PTPRC: variants seen among roughly 807,000 people sequenced by gnomAD.
The protein encoded by PTPRC is receptor-type tyrosine-protein phosphatase C.
PTPRC carries 44 observed loss-of-function variants against 155.9 expected under a neutral mutation model. The ratio of observed to expected loss-of-function variants is 0.28; its 90% CI spans 0.22 to 0.36. The LOEUF (loss-of-function observed/expected upper bound fraction) is 0.36, where lower values mean the gene tolerates loss of function less well. Among genes scored for constraint, PTPRC ranks in the 10% least tolerant of loss-of-function variants. The pLI is 1.00. For synonymous variants in PTPRC, 525 were observed against 533.1 expected (o/e 0.98, Z 0.21); for missense variants, 1,401 against 1,564.6 (o/e 0.90, Z 1.76).
At chr1:198,648,029 A>G (rs1055776234) in intron 2 of PTPRC, among the ~76,000 whole-genome samples, 2 of 151,888 alleles carry the variant, frequency 1.3e-5, no homozygotes. Flanking sequence ...AGATCTATAT[A>G]TAACATATTA....
chr1:198,732,001 C>G (rs1277634802), intron 18 of PTPRC, among the ~76,000 whole-genome samples: 1 of 151,918 alleles, frequency 6.6e-6, no homozygotes, highest in African/African-American at 2.4e-5. Flanking sequence ...TAGTTGTACT[C>G]TAGATACTCA....
At chr1:198,720,623 C>T (rs1360815381) in intron 14 of PTPRC, among the ~76,000 whole-genome samples, 2 of 152,148 alleles carry the variant, frequency 1.3e-5, no homozygotes, top group Non-Finnish European at 2.9e-5. Flanking sequence ...GCTACTGTGC[C>T]AGGCCTATAT....
chr1:198,680,597 A>T (rs1257761520), intron 2 of PTPRC, among the ~76,000 whole-genome samples: 1 of 152,152 alleles, frequency 6.6e-6, no homozygotes, highest in African/African-American at 2.4e-5. Flanking sequence ...GGAAAGAGAC[A>T]CATCAGTGCA....
chr1:198,756,103 T>C lies in PTPRC; in HGVS notation c.3843T>C (p.Ser1281=). 1 of 1,613,466 alleles carries C rather than the reference T, an allele frequency of 6.2e-7. No individual in the cohort carries two copies. The highest frequency in any genetic ancestry group is 8.5e-7 in the Non-Finnish European group (1 of 1,179,680). ...AAGCAAAGGAACAGGCTGAAGGTTC[T>C]GAACCCACGAGTGGCACTGAGGGGC... ...LPEAKEQAEG[S]EPTSGTEGPE... The change falls in exon 33 of 33, where the codon TCT becomes TCC. Residue 1281 remains serine, a synonymous_variant. Transcript: ENST00000442510.
intron 15 of PTPRC, among the ~76,000 whole-genome samples, chr1:198,725,180 C>T (rs985209866): frequency 1.3e-5 from 2 of 152,120 alleles, no homozygotes; most frequent in African/African-American, 4.8e-5. Flanking sequence ...GAATTCTTTG[C>T]TCCATTTTCT....
chr1:198,648,470 T>C (rs1314749088), intron 2 of PTPRC, among the ~76,000 whole-genome samples: 1 of 151,766 alleles, frequency 6.6e-6, no homozygotes, highest in Non-Finnish European at 1.5e-5. Context: ...TCAATCTTCT[T>C]AGTGGTCAGT....
chr1:198,699,203 C>T (rs927032964), intron 4 of PTPRC, among the ~76,000 whole-genome samples: 2 of 152,128 alleles, frequency 1.3e-5, no homozygotes, highest in Non-Finnish European at 2.9e-5. Flanking sequence ...GATACTAGTA[C>T]ATTGGAAGAT....
At chr1:198,755,626 G>A (rs1298580815) in intron 32 of PTPRC, among the ~76,000 whole-genome samples, 2 of 152,166 alleles carry the variant, frequency 1.3e-5, no homozygotes, top group East Asian at 1.9e-4. Context: ...AGTACAAAAC[G>A]TGGCATCATG....
chr1:198,720,053 T>C (rs544744417), intron 14 of PTPRC, among the ~76,000 whole-genome samples: 188 of 152,270 alleles, frequency 1.2e-3, no homozygotes, highest in Admixed American at 4.8e-3. Context: ...CTGGTGTGAT[T>C]AGTTTAAATG....
chr1:198,657,020 T>G (rs946846825), intron 2 of PTPRC, among the ~76,000 whole-genome samples: 16 of 107,150 alleles, frequency 1.5e-4, no homozygotes, highest in Admixed American at 5.3e-4. Flanking sequence ...AATCAAGAGG[T>G]TTTTTTTTTA....
intron 29 of PTPRC, among the ~76,000 whole-genome samples, chr1:198,751,653 T>G (rs1655389392): frequency 6.6e-6 from 1 of 152,080 alleles, no homozygotes; most frequent in African/African-American, 2.4e-5. Context: ...ACTCCCTGTC[T>G]TTGTCAGAAA....
At position 198,704,463 on chromosome 1, in the gene PTPRC, C is replaced by T; in HGVS notation, c.659-9C>T. 6.2e-7 allele frequency: 1 copy of T among 1,613,660 alleles called. No individual in the cohort carries two copies. Among genetic ancestry groups the T allele is most frequent in the Non-Finnish European group, 8.5e-7 (1 of 1,179,856 alleles). ...TTTTAATAATTTACATTTTTTTTCT[C>T]CATTACAGCTACTACTCCATCTAAG... On this transcript the variant is annotated splice_polypyrimidine_tract_variant and intron_variant, in intron 7 of 32. Coordinates refer to ENST00000442510, the MANE Select transcript of PTPRC (RefSeq NM_002838.5).
intron 17 of PTPRC, among the ~76,000 whole-genome samples, chr1:198,730,332 A>G (rs923922654): frequency 1.3e-5 from 2 of 152,126 alleles, no homozygotes; most frequent in Non-Finnish European, 2.9e-5. Context: ...TCTTTGCAGA[A>G]TGTAACACTA....
intron 2 of PTPRC, among the ~76,000 whole-genome samples, chr1:198,680,187 T>A (rs1401051484): frequency 6.6e-6 from 1 of 152,212 alleles, no homozygotes; most frequent in Non-Finnish European, 1.5e-5. Context: ...CTTCACAAAC[T>A]GTCTTGTTTA....
intron 2 of PTPRC, among the ~76,000 whole-genome samples, chr1:198,648,222 GGTTT>G (rs1663039999): frequency 6.6e-6 from 1 of 151,840 alleles, no homozygotes. Flanking sequence ...ATTTTGTTTT[GGTTT>G]GTTTGTTTTG....
chr1:198,714,210 C>T (rs544505328), intron 12 of PTPRC, among the ~76,000 whole-genome samples: 298 of 151,832 alleles, frequency 2.0e-3, no homozygotes, highest in African/African-American at 7.0e-3. Flanking sequence ...TTTCTCTTCT[C>T]TGAATCTTCT....
chr1:198,662,211 G>T (rs1030726118), intron 2 of PTPRC, among the ~76,000 whole-genome samples: 1 of 152,026 alleles, frequency 6.6e-6, no homozygotes, highest in Non-Finnish European at 1.5e-5. Context: ...ATAATATTCA[G>T]GACTTCATAT....
intron 17 of PTPRC, 76 bp downstream of exon 17, chr1:198,729,247 T>A (rs1403871907): frequency 1.4e-6 from 2 of 1,410,158 alleles, no homozygotes; most frequent in Non-Finnish European, 1.9e-6. Flanking sequence ...ATTTATTTAT[T>A]TATATTTATT....
At chr1:198,659,033 A>G (rs1389147084) in intron 2 of PTPRC, among the ~76,000 whole-genome samples, 1 of 152,212 alleles carries the variant, frequency 6.6e-6, no homozygotes, top group Non-Finnish European at 1.5e-5. Flanking sequence ...TCAAAATCAT[A>G]TTTTAAAAAT....
Sources: gnomAD v4.1 joint callset for allele counts (sites outside exome capture counted in the v4.1 genomes callset) on GRCh38, gnomAD v4.1.1 for gene constraint, MANE v1.5 for transcripts, NCBI Gene and HGNC (gene_info 2026-07-23, HGNC 2026-07-21) for gene names.